Variants in CTNNA3 observed in about 807,000 individuals in gnomAD.
CTNNA3 encodes catenin alpha 3, also known as catenin alpha-3.
Under a neutral mutation model 95.7 loss-of-function variants are expected in CTNNA3, and 76 were observed. The ratio of observed to expected loss-of-function variants is 0.79; its 90% CI spans 0.66 to 0.96. The LOEUF (loss-of-function observed/expected upper bound fraction) is 0.96. Ranked by LOEUF, CTNNA3 falls within the 40% of genes least tolerant of loss-of-function variation. The pLI is 0.00. For missense variants in CTNNA3, 1,191 were observed against 1,089.8 expected (o/e 1.09, Z -1.31); for synonymous variants, 431 against 374.4 (o/e 1.15, Z -1.74).
chr10:67,158,097 C>G (rs1005797549), intron 7 of CTNNA3, among the ~76,000 whole-genome samples: 4 of 151,888 alleles, frequency 2.6e-5, no homozygotes, highest in Non-Finnish European at 4.4e-5. Flanking sequence ...GACATAGAGC[C>G]TACACTAAGC....
intron 9 of CTNNA3, among the ~76,000 whole-genome samples, chr10:66,722,340 T>G (rs1848654380): frequency 7.0e-6 from 1 of 143,666 alleles, no homozygotes; most frequent in East Asian, 3.2e-4. Flanking sequence ...ATTGCGACAC[T>G]GCACTCCAGA....
At chr10:66,527,144 C>G (rs752090253) in intron 10 of CTNNA3, among the ~76,000 whole-genome samples, 28 of 152,072 alleles carry the variant, frequency 1.8e-4, no homozygotes, top group Non-Finnish European at 3.4e-4. Context: ...TTGCCATGTA[C>G]TTGTTTTCCC....
chr10:67,670,200 A>C (rs1302292595), intron 1 of CTNNA3, among the ~76,000 whole-genome samples: 1 of 152,174 alleles, frequency 6.6e-6, no homozygotes, highest in Non-Finnish European at 1.5e-5. Flanking sequence ...CTATATTAGA[A>C]AGAGAGGAAG....
chr10:67,145,825 CAT>C (rs1860816088), intron 7 of CTNNA3, among the ~76,000 whole-genome samples: 1 of 152,112 alleles, frequency 6.6e-6, no homozygotes, highest in Non-Finnish European at 1.5e-5. Context: ...AAAGTTACCA[CAT>C]GTGCAAAAAG....
At chr10:66,752,519 G>A (rs541509741) in intron 9 of CTNNA3, among the ~76,000 whole-genome samples, 1 of 152,024 alleles carries the variant, frequency 6.6e-6, no homozygotes, top group Non-Finnish European at 1.5e-5. Flanking sequence ...TTCTGGATTA[G>A]GCAAAAGTTT....
At chr10:66,942,253 G>A (rs1333677130) in intron 7 of CTNNA3, among the ~76,000 whole-genome samples, 1 of 152,044 alleles carries the variant, frequency 6.6e-6, no homozygotes, top group African/African-American at 2.4e-5. Flanking sequence ...CACATAAATT[G>A]CCAAGTCTGC....
rs773150409 is a variant in CTNNA3, at chr10:67,097,818, G to T, written c.1047+82499C>A. On this transcript the variant is annotated intron_variant, in intron 7 of 17. Coordinates refer to ENST00000433211, the MANE Select transcript of CTNNA3 (RefSeq NM_013266.4). ...TTAACTGAGATCATTGGTAGCCAGG[G>T]GTTGCTACCAAACTTTGTAACCTCA... 1.0e-5 allele frequency: 16 copies of T among 1,606,154 alleles called. 1 individual carries two copies. In the South Asian group the frequency reaches 1.8e-4, roughly 18 times the overall value.
intron 7 of CTNNA3, among the ~76,000 whole-genome samples, chr10:66,806,261 T>TTGTG (rs59596203): frequency 0.42 from 60,136 of 143,502 alleles, 12,784 homozygotes; most frequent in East Asian, 0.54. Context: ...ATATTGGTGT[T>TTGTG]TGTGTGTGTG....
intron 13 of CTNNA3, among the ~76,000 whole-genome samples, chr10:66,114,352 C>G (rs1419488082): frequency 6.6e-6 from 1 of 151,098 alleles, no homozygotes; most frequent in African/African-American, 2.4e-5. Context: ...AACTGAATAT[C>G]TGTATATATA....
intron 17 of CTNNA3, among the ~76,000 whole-genome samples, chr10:65,924,399 C>G (rs76906235): frequency 0.06 from 9,065 of 152,222 alleles, 317 homozygotes; most frequent in South Asian, 0.11. Flanking sequence ...AGCCTCCATC[C>G]TTGATCCTAC....
Position 67,232,690 on chromosome 10 carries a change from G to C in CTNNA3, c.580-12820C>G, listed in dbSNP as rs1339792745. ...AACTTTAAATGTAAATGGACTAAATGCTCCAATTAAAAGACACAGACTGGC... is the reference window on the plus strand; with the variant it reads ...AACTTTAAATGTAAATGGACTAAATCCTCCAATTAAAAGACACAGACTGGC... On this transcript the variant is annotated intron_variant, in intron 5 of 17. Transcript: ENST00000433211. Among the ~76,000 whole-genome samples, 7 of 151,668 alleles carry C rather than the reference G, an allele frequency of 4.6e-5. No homozygotes were observed. The East Asian group carries it at 1.2e-3, about 25-fold the overall frequency.
intron 12 of CTNNA3, among the ~76,000 whole-genome samples, chr10:66,378,194 TATAAA>T (rs1445939217): frequency 6.6e-6 from 1 of 152,116 alleles, no homozygotes; most frequent in Non-Finnish European, 1.5e-5. Context: ...TGGCTTCAAA[TATAAA>T]AGAAAAATTA....
chr10:67,718,550 A>G (rs1232218159), intron 1 of CTNNA3, among the ~76,000 whole-genome samples: 1 of 152,220 alleles, frequency 6.6e-6, no homozygotes, highest in East Asian at 1.9e-4. Flanking sequence ...CCTTTTCTGC[A>G]TCTGTTGAGA....
At chr10:66,585,507 T>A (rs564202111) in intron 10 of CTNNA3, among the ~76,000 whole-genome samples, 1 of 152,054 alleles carries the variant, frequency 6.6e-6, no homozygotes, top group East Asian at 1.9e-4. Context: ...CTGCATTTTG[T>A]AGTTGCCGAA....
chr10:67,005,687 T>TTTTTTTGTTGTTTG (rs1554895956), intron 7 of CTNNA3, among the ~76,000 whole-genome samples: 2 of 102,258 alleles, frequency 2.0e-5, no homozygotes, highest in African/African-American at 3.1e-5. Context: ...TCCATCTTTT[T>TTTTTTTGTTGTTTG]TTTTTTTTTT....
At chr10:66,368,154 T>G (rs1176930189) in intron 12 of CTNNA3, among the ~76,000 whole-genome samples, 1 of 151,980 alleles carries the variant, frequency 6.6e-6, no homozygotes, top group Admixed American at 6.6e-5. Flanking sequence ...TGAGTTCTTA[T>G]GCACACAAAA....
chr10:66,372,516 T>G (rs2092761640), intron 12 of CTNNA3, among the ~76,000 whole-genome samples: 1 of 152,298 alleles, frequency 6.6e-6, no homozygotes, highest in South Asian at 2.1e-4. Context: ...TCCCTTCTTT[T>G]CAGCCCATGC....
At chr10:66,192,549 A>T (rs114521561) in intron 13 of CTNNA3, among the ~76,000 whole-genome samples, 1,531 of 152,192 alleles carry the variant, frequency 0.01, 34 homozygotes, top group African/African-American at 0.035. Flanking sequence ...ATTAAAAATT[A>T]TTTTTCCTGT....
chr10:66,821,634 G>C (rs907181992), intron 7 of CTNNA3, among the ~76,000 whole-genome samples: 1 of 152,144 alleles, frequency 6.6e-6, no homozygotes, highest in African/African-American at 2.4e-5. Context: ...AAGAGCAAAT[G>C]ATTCCTAAAT....
Sources: gnomAD v4.1 joint callset for allele counts (sites outside exome capture counted in the v4.1 genomes callset) on GRCh38, gnomAD v4.1.1 for gene constraint, MANE v1.5 for transcripts, NCBI Gene and HGNC (gene_info 2026-07-23, HGNC 2026-07-21) for gene names.